The following IGSF1 variants were observed in gnomAD, a reference collection of about 807,000 sequenced individuals.
IGSF1 encodes immunoglobulin-like domain-containing protein 1.
A neutral mutation model predicts 95.3 loss-of-function variants in IGSF1; 40 were observed. The observed-to-expected ratio is 0.42, with a 90% CI of 0.33 to 0.55. The LOEUF (loss-of-function observed/expected upper bound fraction) is 0.55, where lower values mean the gene tolerates loss of function less well. Among genes scored for constraint, IGSF1 ranks in the 20% least tolerant of loss-of-function variants. IGSF1 has a pLI of 0.10. For missense variants in IGSF1, 906 were observed against 1,025.4 expected (o/e 0.88, Z 1.59); for synonymous variants, 372 against 382.9 (o/e 0.97, Z 0.33).
chrX:131,283,220 T>C lies in IGSF1; in HGVS notation c.712A>G (p.Met238Val). The change falls in exon 6 of 20, where the codon ATG becomes GTG. Residue 238 changes from methionine to valine, a missense_variant. Transcript: ENST00000361420. ...AGATTCAGGCTTTCTCCAGGTGCCA[T>C]GATGGGCCCAGGATGGGCTGTCAAA... is the stretch of plus-strand genomic sequence containing the variant. The part of the protein sequence containing the change: ...PTLTAHPGPI[M>V]APGESLNLRC... The C allele has an allele frequency of 1.7e-6, 2 of 1,211,075 alleles. No individual in the cohort carries two copies. Among genetic ancestry groups the C allele is most frequent in the Non-Finnish European group, 2.2e-6 (2 of 894,720 alleles).
chrX:131,281,496 T>C, intron 8 of IGSF1, 158 bp from the exon 9 acceptor site: 1 of 879,657 alleles, frequency 1.1e-6, no homozygotes, highest in Non-Finnish European at 1.6e-6. Context: ...GCCTTGAAAT[T>C]ATCCTGCTAA....
chrX:131,285,478 G>A lies in IGSF1; in HGVS notation c.380-12C>T. 1 of 1,194,906 alleles carries A rather than the reference G, an allele frequency of 8.4e-7. No individual in the cohort carries two copies. On this transcript the variant is annotated splice_polypyrimidine_tract_variant and intron_variant, in intron 4 of 19. Transcript: ENST00000361420. ...CTTGGGCAGTTGGCCTGGAAGGATA[G>A]AATGAACTGGAATTAGGTAAAGCAA...
intron 1 of IGSF1, among the ~76,000 whole-genome samples, chrX:131,287,590 T>C (rs959523723): frequency 1.8e-5 from 2 of 111,930 alleles, no homozygotes; most frequent in Admixed American, 1.9e-4. Flanking sequence ...AATGATTCTT[T>C]CGTTGCCCTT....
Position 131,276,126 on chromosome X carries a change from C to T in IGSF1, c.2731G>A (p.Ala911Thr). 1 of 1,210,606 alleles carries T rather than the reference C, an allele frequency of 8.3e-7. No homozygotes were observed. The highest frequency in any genetic ancestry group is 1.1e-6 in the Non-Finnish European group (1 of 894,917). Residue 911 changes from alanine (A) to threonine (T), a missense_variant, in exon 15 of 20, where the codon GCC becomes ACC. This residue lies in a region of IGSF1 where 411 missense variants were observed against 494.9 expected (regional missense o/e 0.83). Transcript: ENST00000361420. Reference protein sequence around the residue: ...GMRFALLQEGAHVPLQFRSVS... With the variant: ...GMRFALLQEGTHVPLQFRSVS... ...CTCCGAAACTGTAAGGGAACATGGGCTCCCTCCTGCAAGAGGGCGAACCTC... is the reference window on the plus strand; with the variant it reads ...CTCCGAAACTGTAAGGGAACATGGGTTCCCTCCTGCAAGAGGGCGAACCTC...
Position 131,280,445 on chromosome X carries a change from A to T in IGSF1, c.1646+773T>A, listed in dbSNP as rs142348010. 3.9e-3 allele frequency among the ~76,000 whole-genome samples: 434 copies of T among 111,784 alleles called. 5 individuals are homozygous for T. In the South Asian group the frequency reaches 0.051, roughly 13 times the overall value. Reference sequence around the variant, plus strand: ...GGGGGTACAGCCAGAAGCAGGGAGTAGGGGGAAGTAGACAAGGTATTCAGG... The same window carrying T: ...GGGGGTACAGCCAGAAGCAGGGAGTTGGGGGAAGTAGACAAGGTATTCAGG... On this transcript the variant is annotated intron_variant, in intron 9 of 19. Coordinates refer to ENST00000361420, the MANE Select transcript of IGSF1 (RefSeq NM_001555.5).
At chrX:131,275,880 C>G in intron 15 of IGSF1, 81 bp downstream of exon 15, 1 of 1,160,831 alleles carries the variant, frequency 8.6e-7, no homozygotes, top group East Asian at 3.0e-5. Flanking sequence ...GTGGCCTAGC[C>G]TAGCCTTCCA....
chrX:131,274,791 G>A lies in IGSF1; in HGVS notation c.3559C>T (p.Leu1187=). The A allele has an allele frequency of 8.3e-7, 1 of 1,211,289 alleles. No homozygotes were observed. Among genetic ancestry groups the A allele is most frequent in the Non-Finnish European group, 1.1e-6 (1 of 894,956 alleles). Residue 1187 remains leucine (L), a synonymous_variant, in exon 18 of 20, where the codon CTG becomes TTG. Coordinates refer to ENST00000361420, the MANE Select transcript of IGSF1 (RefSeq NM_001555.5). ...TCTAGGACAAATTCAACACCTGGCA[G>A]GGGTCCTCGGCACTGAAGGGTGATG... ...KDITLQCRGP[L]PGVEFVLEHD... is the part of the protein sequence containing the mutation.
chrX:131,280,592 G>A (rs1460449939), intron 9 of IGSF1, among the ~76,000 whole-genome samples: 1 of 112,016 alleles, frequency 8.9e-6, no homozygotes, highest in Non-Finnish European at 1.9e-5. Flanking sequence ...AGAATCAAAG[G>A]AAATGGCAGG....
At position 131,283,184 on chromosome X, in the gene IGSF1, C is replaced by T. The variant is rs1190149101; in HGVS notation, c.748G>A (p.Gly250Arg). ...GCAAAGGTCATTCCATAGATTGGCC[C>T]TTGGCACCTGAGATTCAGGCTTTCT... is the stretch of plus-strand genomic sequence containing the variant. ...PGESLNLRCQ[G>R]PIYGMTFALM... Residue 250 changes from glycine (G) to arginine (R), a missense_variant, in exon 6 of 20, where the codon GGG (glycine) becomes AGG (arginine). By Grantham distance (125) the Gly-to-Arg change is moderately radical. This residue lies in a region of IGSF1 where 442 missense variants were observed against 448.1 expected (regional missense o/e 0.99). Transcript: ENST00000361420. 2.5e-6 allele frequency: 3 copies of T among 1,210,343 alleles called. No individual in the cohort carries two copies. In the South Asian group the frequency reaches 5.3e-5, roughly 21 times the overall value.
chrX:131,275,391 C>A, intron 16 of IGSF1, 87 bp downstream of exon 16: 1 of 1,137,758 alleles, frequency 8.8e-7, no homozygotes. Context: ...TGCCTCTCCT[C>A]GAGCTCTCTG....
intron 5 of IGSF1, chrX:131,284,332 T>A (rs966123953): frequency 1.2e-5 from 2 of 170,124 alleles, no homozygotes; most frequent in Non-Finnish European, 1.9e-5. Context: ...AGATAGATAC[T>A]GTTATCCCAT....
At chrX:131,284,190 C>T in intron 5 of IGSF1, 4 of 414,455 alleles carry the variant, frequency 9.7e-6, no homozygotes, top group Non-Finnish European at 9.1e-6. Context: ...TTATTGAGAA[C>T]TTATATGCCA....
chrX:131,273,865 T>C lies in IGSF1; in HGVS notation c.3942A>G (p.Pro1314=). 8.3e-7 allele frequency: 1 copy of C among 1,208,202 alleles called. No individual in the cohort carries two copies. The highest frequency in any genetic ancestry group is 1.1e-6 in the Non-Finnish European group (1 of 892,298). The change falls in exon 20 of 20, where the codon CCA becomes CCG. Residue 1314 remains proline, a synonymous_variant. Transcript: ENST00000361420. ...ALEECNQEGE[P]GTPANSPSST... is the part of the protein sequence containing the mutation. ...ATGAAGGAGAATTGGCAGGGGTGCC[T>C]GGTTCTCCTTCTTGGTTACACTCTT...
intron 9 of IGSF1, among the ~76,000 whole-genome samples, 155 bp from the exon 10 acceptor site, chrX:131,279,496 CTT>C (rs1429096371): frequency 9.0e-6 from 1 of 111,067 alleles, no homozygotes; most frequent in African/African-American, 3.3e-5. Flanking sequence ...ACATCAATGA[CTT>C]TTCTTTTTGA....
At chrX:131,288,343 T>C (rs1170415204) in intron 1 of IGSF1, among the ~76,000 whole-genome samples, 1 of 112,004 alleles carries the variant, frequency 8.9e-6, no homozygotes, top group Non-Finnish European at 1.9e-5. Flanking sequence ...GCCCTAAAGA[T>C]GCCCTTTCCA....
Position 131,282,477 on chromosome X carries a change from G to C in IGSF1, c.1213C>G (p.Pro405Ala). The C allele has an allele frequency of 8.3e-7, 1 of 1,207,815 alleles. No homozygotes were observed. Among genetic ancestry groups the C allele is most frequent in the Non-Finnish European group, 1.1e-6 (1 of 891,854 alleles). The change falls in exon 7 of 20, where the codon CCA becomes GCA. Residue 405 changes from proline (P) to alanine (A), a missense_variant. Transcript: ENST00000361420. ...LLTWKTSIRM[P>A]SHNTVELMVV... ...ATAAGCTCCACAGTGTTGTGTGATG[G>C]CATCCTAATGGAGGTCTTCCAGGTG...
chrX:131,285,478 G>T lies in IGSF1; in HGVS notation c.380-12C>A, dbSNP rs1346630987. The T allele has an allele frequency of 4.2e-6, 5 of 1,194,905 alleles. No homozygotes were observed. ...CTTGGGCAGTTGGCCTGGAAGGATAGAATGAACTGGAATTAGGTAAAGCAA... is the reference window on the plus strand; with the variant it reads ...CTTGGGCAGTTGGCCTGGAAGGATATAATGAACTGGAATTAGGTAAAGCAA... On this transcript the variant is annotated splice_polypyrimidine_tract_variant and intron_variant, in intron 4 of 19. Coordinates refer to ENST00000361420, the MANE Select transcript of IGSF1 (RefSeq NM_001555.5).
chrX:131,282,863 T>A, intron 6 of IGSF1, 117 bp downstream of exon 6: 1 of 919,928 alleles, frequency 1.1e-6, no homozygotes. Flanking sequence ...GTTTTACAAA[T>A]TCTGCTCCCT....
In IGSF1 at chrX:131,275,707, C is replaced by A. The variant is rs766393352; in HGVS notation, c.2955G>T (p.Gln985His). The A allele has an allele frequency of 6.6e-6, 8 of 1,211,523 alleles. No individual in the cohort carries two copies. The South Asian group carries it at 1.4e-4, about 21-fold the overall frequency. ...GCCCTCGGCACCAGAGAGTAACATT[C>A]TGCCCCATGGGAACCACAGAACTGG... ...AEPSSVVPMG[Q>H]NVTLWCRGPV... Residue 985 changes from glutamine (Q) to histidine (H), a missense_variant, in exon 16 of 20, where the codon CAG (glutamine) becomes CAT (histidine). Physicochemically the swap from Gln to His is conservative, Grantham distance 24 (BLOSUM62 0). Transcript: ENST00000361420.
Sources: allele counts gnomAD v4.1 joint callset (sites outside exome capture counted in the v4.1 genomes callset), GRCh38; gene constraint gnomAD v4.1.1; regional missense constraint gnomAD v4.1.1; transcripts MANE v1.5; gene names NCBI Gene and HGNC (gene_info 2026-07-23, HGNC 2026-07-21).